The following USP33 variants were observed in gnomAD, a reference collection of about 807,000 sequenced individuals.
USP33 encodes ubiquitin carboxyl-terminal hydrolase 33.
A neutral mutation model predicts 124.2 loss-of-function variants in USP33; 46 were observed. That is an observed-to-expected ratio of 0.37 (90% CI 0.29 to 0.47). The LOEUF is 0.47. Among genes scored for constraint, USP33 ranks in the 20% least tolerant of loss-of-function variants. The pLI is 0.99. For missense variants in USP33, 851 were observed against 1,070.6 expected (o/e 0.79, Z 2.86); for synonymous variants, 350 against 352.3 (o/e 0.99, Z 0.07).
At chr1:77,741,280 A>C (rs1679087787) in intron 3 of USP33, 96 bp downstream of exon 3, 10 of 1,225,246 alleles carry the variant, frequency 8.2e-6, no homozygotes, top group Non-Finnish European at 1.1e-6. Context: ...AATTTACAAA[A>C]ATCACTTTAA....
chr1:77,697,175 A>T lies in USP33; in HGVS notation c.*142T>A. Reference sequence around the variant, plus strand: ...TACACATTTTAATATATTCTTCCATAATGCCCACTAAGAAGAAATAAATGG... The same window carrying T: ...TACACATTTTAATATATTCTTCCATTATGCCCACTAAGAAGAAATAAATGG... On this transcript the variant is annotated 3_prime_UTR_variant, in exon 24 of 24. Transcript: ENST00000370794. The T allele has an allele frequency of 2.7e-6, 2 of 742,032 alleles. No individual in the cohort carries two copies. Among genetic ancestry groups the T allele is most frequent in the Non-Finnish European group, 4.3e-6 (2 of 469,522 alleles). 46.0% of individuals were successfully genotyped at this position (742,032 alleles called of 1,614,324 possible).
chr1:77,714,157 T>C (rs1675601105), intron 19 of USP33, among the ~76,000 whole-genome samples: 1 of 152,138 alleles, frequency 6.6e-6, no homozygotes, highest in Non-Finnish European at 1.5e-5. Flanking sequence ...TACATTTCCA[T>C]ACTTGGGAAA....
intron 21 of USP33, among the ~76,000 whole-genome samples, chr1:77,703,909 C>T (rs773304379): frequency 1.2e-4 from 19 of 152,060 alleles, no homozygotes; most frequent in Admixed American, 7.2e-4. Context: ...CCCAGCTATT[C>T]ATCAGGAGGC....
chr1:77,739,060 G>A (rs1391002852), intron 5 of USP33, among the ~76,000 whole-genome samples: 1 of 152,064 alleles, frequency 6.6e-6, no homozygotes, highest in Non-Finnish European at 1.5e-5. Context: ...AAACAGGTGG[G>A]CTTCAATCTC....
chr1:77,720,165 GAAAAAAAAAA>G (rs745681259), intron 15 of USP33, among the ~76,000 whole-genome samples: 247 of 42,746 alleles, frequency 5.8e-3, no homozygotes, highest in Non-Finnish European at 8.5e-3. Flanking sequence ...TGTCTCAAAT[GAAAAAAAAAA>G]AAAAAAAAAA....
chr1:77,748,349 C>A (rs1679938570), intron 1 of USP33, among the ~76,000 whole-genome samples: 2 of 152,104 alleles, frequency 1.3e-5, no homozygotes, highest in Admixed American at 1.3e-4. Flanking sequence ...GCTGTAACTT[C>A]CCTCTATTCT....
chr1:77,725,993 A>G lies in USP33; in HGVS notation c.1136-231T>C, dbSNP rs566144278. ...GAGACAGAGTCTCCCTCTGTCCCCCAGGCTGCAGTGCAGAGGTGCGATCTC... is the reference window on the plus strand; with the variant it reads ...GAGACAGAGTCTCCCTCTGTCCCCCGGGCTGCAGTGCAGAGGTGCGATCTC... On this transcript the variant is annotated intron_variant, in intron 10 of 23. Transcript: ENST00000370794. Among the ~76,000 whole-genome samples the G allele has an allele frequency of 8.5e-5, 13 of 152,328 alleles. No individual in the cohort carries two copies. The South Asian group carries it at 2.7e-3, about 32-fold the overall frequency.
intron 10 of USP33, 123 bp downstream of exon 10, chr1:77,728,172 C>G: frequency 1.8e-6 from 2 of 1,081,900 alleles, no homozygotes; most frequent in South Asian, 1.9e-5. Flanking sequence ...ATGACTAATA[C>G]TCACATGCAA....
chr1:77,718,147 A>G (rs1676135552), intron 16 of USP33, 100 bp from the exon 17 acceptor site: 16 of 996,728 alleles, frequency 1.6e-5, no homozygotes, highest in Non-Finnish European at 2.3e-5. Context: ...CAAGCAAGAA[A>G]CTGAGGTGTT....
At position 77,757,439 on chromosome 1, in the gene USP33, A is replaced by G. The variant is rs1040229642; in HGVS notation, c.-52+2204T>C. ...GTTCTCAGTATACAATATAGCACAT[A>G]ATTCATGTGCCTTTTTATAGATAGT... On this transcript the variant is annotated intron_variant, in intron 1 of 23. Transcript: ENST00000370794. 2.0e-5 allele frequency among the ~76,000 whole-genome samples: 3 copies of G among 152,220 alleles called. No individual in the cohort carries two copies. The East Asian group carries it at 5.8e-4, about 29-fold the overall frequency.
At chr1:77,749,046 T>A (rs1459729091) in intron 1 of USP33, among the ~76,000 whole-genome samples, 3 of 152,194 alleles carry the variant, frequency 2.0e-5, no homozygotes, top group Non-Finnish European at 4.4e-5. Context: ...TTGGGTCAAT[T>A]TTACTCATTG....
intron 1 of USP33, among the ~76,000 whole-genome samples, chr1:77,755,344 G>T (rs1333573660): frequency 6.6e-6 from 1 of 152,144 alleles, no homozygotes; most frequent in Non-Finnish European, 1.5e-5. Flanking sequence ...CTATAATATT[G>T]ATTTTAAAAC....
intron 18 of USP33, among the ~76,000 whole-genome samples, chr1:77,715,270 A>C (rs1276013785): frequency 6.6e-6 from 1 of 151,874 alleles, no homozygotes; most frequent in Non-Finnish European, 1.5e-5. Context: ...GCAGTGGCGC[A>C]ATCTAGGCTC....
intron 21 of USP33, among the ~76,000 whole-genome samples, chr1:77,711,040 T>G (rs1675189190): frequency 6.6e-6 from 1 of 152,108 alleles, no homozygotes; most frequent in African/African-American, 2.4e-5. Flanking sequence ...GTGAGTATAT[T>G]TATAAGCCCA....
intron 21 of USP33, chr1:77,711,512 G>A: frequency 2.1e-6 from 1 of 486,600 alleles, no homozygotes; most frequent in East Asian, 5.6e-5. Flanking sequence ...GGGCGACAGA[G>A]CAAGATTTTG....
chr1:77,713,426 G>T lies in USP33; in HGVS notation c.2216-145C>A, dbSNP rs1312215510. The T allele has an allele frequency of 4.6e-6, 3 of 657,022 alleles. No individual in the cohort carries two copies. The African/African-American group carries it at 5.9e-5, about 13-fold the overall frequency. The allele number at this position is 657,022 out of a possible 1,614,324, so 40.7% of individuals were successfully genotyped here. Reference sequence around the variant, plus strand: ...TGGAAGGGTCTTGTTCTGTCACCCAGTCCAGAGAGTGCAGTGGCATGATCA... The same window carrying T: ...TGGAAGGGTCTTGTTCTGTCACCCATTCCAGAGAGTGCAGTGGCATGATCA... On this transcript the variant is annotated intron_variant, in intron 19 of 23. Coordinates refer to ENST00000370794, the MANE Select transcript of USP33 (RefSeq NM_201624.3).
intron 1 of USP33, among the ~76,000 whole-genome samples, chr1:77,748,446 G>T (rs2101590401): frequency 6.6e-6 from 1 of 152,092 alleles, no homozygotes; most frequent in Admixed American, 6.5e-5. Context: ...TGAGGCGGGT[G>T]GATCACAAGA....
chr1:77,715,718 C>T (rs1189900999), intron 18 of USP33, 24 bp downstream of exon 18: 12 of 1,606,374 alleles, frequency 7.5e-6, no homozygotes, highest in Non-Finnish European at 9.3e-6. Flanking sequence ...GATGTCCTTT[C>T]GCATCTACAC....
intron 7 of USP33, among the ~76,000 whole-genome samples, chr1:77,732,018 C>T (rs1570808021): frequency 6.6e-6 from 1 of 151,658 alleles, no homozygotes; most frequent in African/African-American, 2.4e-5. Context: ...GCAGGAAGAA[C>T]CCTTGAACCC....
Sources: allele counts gnomAD v4.1 joint callset (sites outside exome capture counted in the v4.1 genomes callset), GRCh38; gene constraint gnomAD v4.1.1; transcripts MANE v1.5; gene names NCBI Gene and HGNC (gene_info 2026-07-23, HGNC 2026-07-21).